Variants in NFXL1 observed in about 807,000 individuals in gnomAD.
NFXL1 encodes the protein NF-X1-type zinc finger protein NFXL1.
In NFXL1, 66 loss-of-function variants were observed where a neutral mutation model predicts 123.3. That is an observed-to-expected ratio of 0.54 (90% CI 0.44 to 0.66). The LOEUF is 0.66. Among genes scored for constraint, NFXL1 ranks in the 30% least tolerant of loss-of-function variants. NFXL1 has a pLI of 0.00. For missense variants in NFXL1, 944 were observed against 1,125.6 expected, an observed-to-expected ratio of 0.84 and a Z score of 2.31; for synonymous variants, 346 against 360.8, an observed-to-expected ratio of 0.96 and a Z score of 0.46.
intron 4 of NFXL1, among the ~76,000 whole-genome samples, chr4:47,903,633 A>G (rs1242623748): frequency 6.6e-6 from 1 of 152,068 alleles, no homozygotes. Flanking sequence ...AGGTCATACT[A>G]TAATAACTGA....
chr4:47,873,292 T>G (rs1290430627), intron 18 of NFXL1, among the ~76,000 whole-genome samples: 1 of 152,182 alleles, frequency 6.6e-6, no homozygotes, highest in Non-Finnish European at 1.5e-5. Flanking sequence ...CCTGTTGACA[T>G]GAATGTTCTT....
chr4:47,893,824 A>G (rs1490251339), intron 11 of NFXL1, among the ~76,000 whole-genome samples: 1 of 152,240 alleles, frequency 6.6e-6, no homozygotes, highest in Non-Finnish European at 1.5e-5. Context: ...TCTTTAAAAG[A>G]TAACTGATTA....
In NFXL1 at chr4:47,914,057, G is replaced by T. The variant is rs1228140214; in HGVS notation, c.147C>A (p.Thr49=). 3 of 1,549,694 alleles carry T rather than the reference G, an allele frequency of 1.9e-6. No homozygotes were observed. In the African/African-American group the frequency reaches 4.1e-5, roughly 21 times the overall value. The change falls in exon 2 of 23, where the codon ACC becomes ACA. Residue 49 remains threonine (T), a synonymous_variant. Transcript: ENST00000507489. ...KGSVGAVPSG[T]SPGGVATTAA... ...CCGTGGTCGCGACTCCTCCGGGACT[G>T]GTGCCAGAAGGAACTGCGCCCACCG...
chr4:47,913,926 T>C (rs1737972908), intron 2 of NFXL1, 43 bp downstream of exon 2: 2 of 1,422,416 alleles, frequency 1.4e-6, no homozygotes, highest in Admixed American at 2.0e-5. Flanking sequence ...GTAACTGCCT[T>C]AGGAGGCATC....
At position 47,914,213 on chromosome 4, in the gene NFXL1, G is replaced by GA; in HGVS notation, c.-2-9_-2-8insT. 6 of 1,440,030 alleles carry GA rather than the reference G, an allele frequency of 4.2e-6. No homozygotes were observed. The highest frequency in any genetic ancestry group is 2.6e-5 in the Admixed American group (1 of 38,806). 89.2% of individuals were successfully genotyped at this position (1,440,030 alleles called of 1,614,324 possible). Reference sequence around the variant, plus strand: ...GCCAGGAAGCTTCCATCCCTGCAAAGGAGAAAAAAAAAAAAAAGAGTGGAA... The same window carrying GA: ...GCCAGGAAGCTTCCATCCCTGCAAAGAGAGAAAAAAAAAAAAAAGAGTGGAA... On this transcript the variant is annotated splice_polypyrimidine_tract_variant and intron_variant, in intron 1 of 22. Coordinates refer to ENST00000507489, the MANE Select transcript of NFXL1 (RefSeq NM_001278624.2).
chr4:47,874,805 T>C (rs1363814806), intron 18 of NFXL1, among the ~76,000 whole-genome samples: 1 of 152,198 alleles, frequency 6.6e-6, no homozygotes, highest in Non-Finnish European at 1.5e-5. Context: ...CAAATTTTGA[T>C]TGAAAAAAAT....
At chr4:47,887,408 A>G (rs911996213) in intron 12 of NFXL1, among the ~76,000 whole-genome samples, 2 of 152,202 alleles carry the variant, frequency 1.3e-5, no homozygotes, top group African/African-American at 4.8e-5. Context: ...ACAAATTAAG[A>G]ATTATAATTC....
chr4:47,876,494 G>T (rs924375149), intron 17 of NFXL1, among the ~76,000 whole-genome samples: 9 of 152,062 alleles, frequency 5.9e-5, no homozygotes, highest in African/African-American at 2.2e-4. Flanking sequence ...ATGAACAGAG[G>T]CAGAAGTGAG....
chr4:47,899,213 G>T (rs1051491146), intron 6 of NFXL1, 93 bp from the exon 7 acceptor site: 9 of 1,330,916 alleles, frequency 6.8e-6, no homozygotes, highest in Non-Finnish European at 9.1e-6. Flanking sequence ...ATAATTTCTA[G>T]AACTTTCTTT....
At chr4:47,887,771 T>G (rs577202496) in intron 12 of NFXL1, among the ~76,000 whole-genome samples, 10 of 152,268 alleles carry the variant, frequency 6.6e-5, no homozygotes, top group African/African-American at 2.4e-4. Flanking sequence ...TTAAATTACA[T>G]CTTGAAAATA....
chr4:47,898,826 T>A lies in NFXL1; in HGVS notation c.1020A>T (p.Arg340Ser). The A allele has an allele frequency of 6.2e-7, 1 of 1,613,998 alleles. No individual in the cohort carries two copies. The highest frequency in any genetic ancestry group is 8.5e-7 in the Non-Finnish European group (1 of 1,179,872). ...GSCQPCPRVS[R>S]QKCVCGKKVA... ...CTTTTTTGCCACAGACACACTTTTGTCTACTAACTCTTGGACAAGGCTGAC... is the reference window on the plus strand; with the variant it reads ...CTTTTTTGCCACAGACACACTTTTGACTACTAACTCTTGGACAAGGCTGAC... The change falls in exon 8 of 23, where the codon AGA (arginine) becomes AGT (serine). Residue 340 changes from arginine (R) to serine (S), a missense_variant. Arg to Ser is a moderately radical substitution (Grantham distance 110). Around this residue, in one of 4 missense-constraint regions of NFXL1, gnomAD observed 296 missense variants for 395.1 expected, o/e 0.75. Coordinates refer to ENST00000507489, the MANE Select transcript of NFXL1 (RefSeq NM_001278624.2).
chr4:47,885,384 A>C, intron 14 of NFXL1, 114 bp downstream of exon 14: 1 of 859,582 alleles, frequency 1.2e-6, no homozygotes, highest in Non-Finnish European at 1.8e-6. Context: ...ACCCTGCTCC[A>C]AGCACAGTGC....
chr4:47,879,404 C>T (rs1287982074), intron 15 of NFXL1, among the ~76,000 whole-genome samples: 11 of 151,974 alleles, frequency 7.2e-5, no homozygotes, highest in Non-Finnish European at 1.6e-4. Context: ...GGGACAACTA[C>T]AAAATACTGA....
At chr4:47,854,972 A>G in intron 20 of NFXL1, 87 bp downstream of exon 20, 1 of 499,178 alleles carries the variant, frequency 2.0e-6, no homozygotes, top group Non-Finnish European at 3.5e-6. Flanking sequence ...ACAACTACCA[A>G]AACACATAGA....
At chr4:47,910,486 T>C (rs193039366) in intron 3 of NFXL1, among the ~76,000 whole-genome samples, 1 of 152,180 alleles carries the variant, frequency 6.6e-6, no homozygotes, top group African/African-American at 2.4e-5. Flanking sequence ...AGTACTCTAG[T>C]TCAATCAAAT....
intron 1 of NFXL1, 60 bp downstream of exon 1, chr4:47,914,305 G>T: frequency 1.1e-6 from 1 of 934,536 alleles, no homozygotes; most frequent in South Asian, 1.8e-5. Context: ...GAGGGGCCGA[G>T]TGAGGAAGGT....
chr4:47,863,425 T>C (rs749390427), intron 18 of NFXL1, among the ~76,000 whole-genome samples: 8 of 152,198 alleles, frequency 5.3e-5, no homozygotes, highest in Non-Finnish European at 1.0e-4. Context: ...CTCTAACCTG[T>C]AATCCCAGCA....
chr4:47,868,388 A>G (rs182047311), intron 18 of NFXL1, among the ~76,000 whole-genome samples: 2 of 151,912 alleles, frequency 1.3e-5, no homozygotes, highest in East Asian at 3.9e-4. Flanking sequence ...TATAAATGTC[A>G]TATGTTCTGA....
At chr4:47,852,264 A>G in intron 20 of NFXL1, 1 of 250,654 alleles carries the variant, frequency 4.0e-6, no homozygotes, top group South Asian at 5.2e-5. Context: ...CAAAGTGTCC[A>G]GGGAATACAA....
Sources: allele counts gnomAD v4.1 joint callset (sites outside exome capture counted in the v4.1 genomes callset), GRCh38; gene constraint gnomAD v4.1.1; regional missense constraint gnomAD v4.1.1; transcripts MANE v1.5; gene names NCBI Gene and HGNC (gene_info 2026-07-23, HGNC 2026-07-21).